Variants in GALNTL6 observed in about 807,000 individuals in gnomAD.
GALNTL6 encodes polypeptide N-acetylgalactosaminyltransferase-like 6.
GALNTL6 carries 46 observed loss-of-function variants against 73.7 expected under a neutral mutation model. The ratio of observed to expected loss-of-function variants is 0.62; its 90% CI spans 0.49 to 0.80. GALNTL6 has a LOEUF of 0.80. GALNTL6 is among the 30% of genes least tolerant of loss of function. GALNTL6 has a pLI of 0.00. For missense variants in GALNTL6, 604 were observed against 755.0 expected, an observed-to-expected ratio of 0.80 and a Z score of 2.34; for synonymous variants, 259 against 263.7, an observed-to-expected ratio of 0.98 and a Z score of 0.17.
intron 2 of GALNTL6, among the ~76,000 whole-genome samples, chr4:172,045,652 T>C (rs923239957): frequency 6.6e-6 from 1 of 151,954 alleles, no homozygotes; most frequent in Non-Finnish European, 1.5e-5. Flanking sequence ...TGATATTTCA[T>C]GTTTTCTTTA....
intron 2 of GALNTL6, among the ~76,000 whole-genome samples, chr4:172,136,583 C>A (rs780374447): frequency 6.6e-6 from 1 of 151,894 alleles, no homozygotes; most frequent in East Asian, 1.9e-4. Flanking sequence ...TGTTTCCCCA[C>A]GTTGCAGCTT....
chr4:172,519,097 T>TAC (rs138699256), intron 5 of GALNTL6, among the ~76,000 whole-genome samples: 23,102 of 148,984 alleles, frequency 0.16, 1,767 homozygotes, highest in East Asian at 0.23. Flanking sequence ...TATATGTATA[T>TAC]ACACACACAC....
intron 2 of GALNTL6, among the ~76,000 whole-genome samples, chr4:172,173,882 T>C (rs1047733054): frequency 1.3e-5 from 2 of 152,200 alleles, no homozygotes; most frequent in South Asian, 2.1e-4. Context: ...TAAAACACAG[T>C]AAGCAGGGTA....
chr4:172,243,286 C>A (rs1737511407), intron 3 of GALNTL6, among the ~76,000 whole-genome samples: 1 of 152,160 alleles, frequency 6.6e-6, no homozygotes, highest in African/African-American at 2.4e-5. Context: ...TTTAGAAAGG[C>A]CTGCCAATCA....
intron 2 of GALNTL6, among the ~76,000 whole-genome samples, chr4:171,995,890 A>G (rs905969926): frequency 5.9e-5 from 9 of 152,106 alleles, no homozygotes; most frequent in African/African-American, 1.9e-4. Context: ...CTTTAGTAAC[A>G]TCTGACAAAA....
chr4:172,017,684 C>A (rs1741248752), intron 2 of GALNTL6, among the ~76,000 whole-genome samples: 1 of 152,112 alleles, frequency 6.6e-6, no homozygotes, highest in Admixed American at 6.6e-5. Flanking sequence ...TGTCCAGATT[C>A]TTTTGTCCCA....
At chr4:171,909,615 A>G (rs1439191945) in intron 2 of GALNTL6, among the ~76,000 whole-genome samples, 1 of 152,200 alleles carries the variant, frequency 6.6e-6, no homozygotes, top group Admixed American at 6.5e-5. Flanking sequence ...CATGAATAGG[A>G]AGCTTGCCAA....
chr4:172,353,953 A>C (rs1196399554), intron 5 of GALNTL6, among the ~76,000 whole-genome samples: 1 of 152,182 alleles, frequency 6.6e-6, no homozygotes. Flanking sequence ...GTATACATTA[A>C]GGAAAGTTTC....
intron 2 of GALNTL6, among the ~76,000 whole-genome samples, chr4:172,063,694 A>G (rs1031895133): frequency 1.1e-4 from 17 of 152,146 alleles, no homozygotes; most frequent in Admixed American, 9.2e-4. Context: ...AAAGCCCTTT[A>G]GTGTCTCTCC....
intron 2 of GALNTL6, among the ~76,000 whole-genome samples, chr4:172,149,217 A>G (rs1734003617): frequency 6.6e-6 from 1 of 152,244 alleles, no homozygotes; most frequent in South Asian, 2.1e-4. Flanking sequence ...CATTTTCAGT[A>G]TATCTATATA....
At chr4:172,968,242 T>C (rs966651025) in intron 10 of GALNTL6, among the ~76,000 whole-genome samples, 42 of 152,068 alleles carry the variant, frequency 2.8e-4, no homozygotes, top group African/African-American at 9.7e-4. Context: ...TACTGCTACT[T>C]CTCCAAGAAG....
chr4:172,017,796 T>C (rs144948882), intron 2 of GALNTL6, among the ~76,000 whole-genome samples: 173 of 152,168 alleles, frequency 1.1e-3, no homozygotes, highest in African/African-American at 3.6e-3. Context: ...TAGCCACGCA[T>C]TGGGGCTACT....
At chr4:172,598,677 T>C (rs1461175437) in intron 5 of GALNTL6, among the ~76,000 whole-genome samples, 1 of 152,184 alleles carries the variant, frequency 6.6e-6, no homozygotes, top group Non-Finnish European at 1.5e-5. Flanking sequence ...TTGGTACCTA[T>C]CATCCAAACA....
chr4:171,814,803 C>T, intron 2 of GALNTL6, 85 bp downstream of exon 2: 2 of 1,417,042 alleles, frequency 1.4e-6, no homozygotes, highest in Non-Finnish European at 9.8e-7. Context: ...GGTGTGGGAT[C>T]GCCTTGGGTT....
At chr4:171,848,686 C>A (rs1735440107) in intron 2 of GALNTL6, among the ~76,000 whole-genome samples, 1 of 152,156 alleles carries the variant, frequency 6.6e-6, no homozygotes, top group Non-Finnish European at 1.5e-5. Flanking sequence ...CCTCATGAAC[C>A]AACCTCTCCT....
chr4:172,770,617 T>A (rs1261778853), intron 5 of GALNTL6, among the ~76,000 whole-genome samples: 1 of 152,190 alleles, frequency 6.6e-6, no homozygotes, highest in African/African-American at 2.4e-5. Context: ...CAATTGCAAA[T>A]GCATTTTAAT....
chr4:172,163,460 G>T (rs1014257932), intron 2 of GALNTL6, among the ~76,000 whole-genome samples: 2 of 150,540 alleles, frequency 1.3e-5, no homozygotes, highest in African/African-American at 2.4e-5. Context: ...AGTAATCTAT[G>T]TTAGATAAGG....
At chr4:172,040,988 T>A (rs1742073520) in intron 2 of GALNTL6, among the ~76,000 whole-genome samples, 1 of 152,100 alleles carries the variant, frequency 6.6e-6, no homozygotes, top group Non-Finnish European at 1.5e-5. Context: ...ATTTTCATTG[T>A]TTATACAATC....
At chr4:171,849,428 G>A (rs999874577) in intron 2 of GALNTL6, among the ~76,000 whole-genome samples, 1 of 152,154 alleles carries the variant, frequency 6.6e-6, no homozygotes, top group East Asian at 1.9e-4. Context: ...TGAGAGGAGA[G>A]ATACTAGGGA....
Sources: gnomAD v4.1 joint callset for allele counts (sites outside exome capture counted in the v4.1 genomes callset) on GRCh38, gnomAD v4.1.1 for gene constraint, MANE v1.5 for transcripts, NCBI Gene and HGNC (gene_info 2026-07-23, HGNC 2026-07-21) for gene names.